The following LUZP2 variants were observed in gnomAD, a reference collection of about 807,000 sequenced individuals.
The protein encoded by LUZP2 is leucine zipper protein 2.
Under a neutral mutation model 51.6 loss-of-function variants are expected in LUZP2, and 52 were observed. The observed-to-expected ratio is 1.01, with a 90% confidence interval of 0.81 to 1.27. The LOEUF is 1.27. Ranked by LOEUF, LUZP2 falls within the 50% of genes most tolerant of loss-of-function variation. LUZP2 has a pLI of 0.00. For synonymous variants in LUZP2, 154 were observed against 137.3 expected, an observed-to-expected ratio of 1.12 and a Z score of -0.85; for missense variants, 436 against 395.4, an observed-to-expected ratio of 1.10 and a Z score of -0.87.
intron 7 of LUZP2, among the ~76,000 whole-genome samples, chr11:24,936,421 A>G (rs779520372): frequency 1.3e-5 from 2 of 152,212 alleles, no homozygotes; most frequent in Admixed American, 6.5e-5. Flanking sequence ...AACCTTCACA[A>G]TGGAAGGCCG....
intron 9 of LUZP2, among the ~76,000 whole-genome samples, chr11:25,026,849 A>AT (rs1213039939): frequency 6.8e-5 from 10 of 148,064 alleles, no homozygotes; most frequent in East Asian, 2.0e-4. Flanking sequence ...TCACCTTTTT[A>AT]TTTTTTTTAT....
rs930652328 is a variant in LUZP2, at chr11:25,082,455, C to T, written c.*3797C>T. On this transcript the variant is annotated 3_prime_UTR_variant, in exon 12 of 12. Coordinates refer to ENST00000336930, the MANE Select transcript of LUZP2 (RefSeq NM_001009909.4). ...CATAGAGTAGGTTGAACTGGCCAGACCTAGACAATGAAGAAAACACATACT... is the reference window on the plus strand; with the variant it reads ...CATAGAGTAGGTTGAACTGGCCAGATCTAGACAATGAAGAAAACACATACT... 1.3e-5 allele frequency: 2 copies of T among 152,452 alleles called. No homozygotes were observed. Among genetic ancestry groups the T allele is most frequent in the African/African-American group, 4.8e-5 (2 of 41,420 alleles). 9.4% of individuals were successfully genotyped at this position (152,452 alleles called of 1,614,324 possible). A position where few individuals can be genotyped will look rare whatever the true frequency, so the allele number is the denominator to read the frequency against.
intron 5 of LUZP2, among the ~76,000 whole-genome samples, chr11:24,796,491 C>CTG (rs57329413): frequency 0.14 from 17,365 of 124,394 alleles, 1,298 homozygotes; most frequent in Middle Eastern, 0.15. Context: ...TAATAATAAT[C>CTG]TGTGTGTGTG....
At chr11:24,671,094 C>G (rs760268847) in intron 1 of LUZP2, among the ~76,000 whole-genome samples, 11 of 151,560 alleles carry the variant, frequency 7.3e-5, no homozygotes, top group Non-Finnish European at 1.6e-4. Flanking sequence ...TTTAAATTAT[C>G]AAATGGTAAT....
At chr11:24,808,970 T>C (rs1428566067) in intron 5 of LUZP2, among the ~76,000 whole-genome samples, 5 of 152,174 alleles carry the variant, frequency 3.3e-5, no homozygotes, top group Admixed American at 2.6e-4. Context: ...AAATAACTTA[T>C]AGTTATTTAA....
Position 24,649,372 on chromosome 11 carries a change from A to C in LUZP2, c.63-79797A>C, listed in dbSNP as rs112974955. Reference sequence around the variant, plus strand: ...TATGCTGCTCCTTCAAACTTGGAACATATTTTCAATCTGTACAAGCCTCCT... The same window carrying C: ...TATGCTGCTCCTTCAAACTTGGAACCTATTTTCAATCTGTACAAGCCTCCT... On this transcript the variant is annotated intron_variant, in intron 1 of 11. Transcript: ENST00000336930. Among the ~76,000 whole-genome samples, 44 of 152,100 alleles carry C rather than the reference A, an allele frequency of 2.9e-4. No individual in the cohort carries two copies. In the East Asian group the frequency reaches 6.6e-3, roughly 23 times the overall value.
intron 9 of LUZP2, among the ~76,000 whole-genome samples, chr11:25,015,265 C>G (rs906124898): frequency 6.6e-6 from 1 of 152,110 alleles, no homozygotes; most frequent in African/African-American, 2.4e-5. Context: ...CAAAATGTTA[C>G]GATAGTACAG....
At chr11:24,519,525 T>G (rs1850577696) in intron 1 of LUZP2, among the ~76,000 whole-genome samples, 1 of 152,194 alleles carries the variant, frequency 6.6e-6, no homozygotes. Context: ...AATTGTGTGG[T>G]GAACACATTA....
chr11:24,724,902 C>A (rs1858414469), intron 1 of LUZP2, among the ~76,000 whole-genome samples: 1 of 152,068 alleles, frequency 6.6e-6, no homozygotes, highest in South Asian at 2.1e-4. Flanking sequence ...TGGAGAAACC[C>A]ATCCACAATA....
At chr11:24,593,923 C>T (rs1438432275) in intron 1 of LUZP2, among the ~76,000 whole-genome samples, 2 of 152,148 alleles carry the variant, frequency 1.3e-5, no homozygotes, top group African/African-American at 4.8e-5. Flanking sequence ...TTGGAAGACA[C>T]AGCCTGCCAA....
intron 5 of LUZP2, among the ~76,000 whole-genome samples, chr11:24,851,727 G>C (rs560789127): frequency 6.6e-6 from 1 of 152,082 alleles, no homozygotes; most frequent in Admixed American, 6.6e-5. Context: ...ATAGAATTTG[G>C]CTGTGAATCC....
intron 5 of LUZP2, among the ~76,000 whole-genome samples, chr11:24,777,491 A>G (rs549987773): frequency 6.6e-6 from 1 of 152,334 alleles, no homozygotes; most frequent in South Asian, 2.1e-4. Context: ...TATAAACACT[A>G]TAAAAATCAG....
At chr11:24,826,184 A>ATATAT (rs1245349247) in intron 5 of LUZP2, among the ~76,000 whole-genome samples, 135 of 26,114 alleles carry the variant, frequency 5.2e-3, no homozygotes, top group African/African-American at 0.019. Flanking sequence ...TCAAAAAAAA[A>ATATAT]AAAAAAATAT....
intron 7 of LUZP2, among the ~76,000 whole-genome samples, chr11:24,956,010 G>A (rs375747087): frequency 6.6e-6 from 1 of 151,962 alleles, no homozygotes; most frequent in African/African-American, 2.4e-5. Flanking sequence ...TGAGATAGTT[G>A]CAGCAATCTA....
rs1351599687 is a variant in LUZP2 at position 24,718,849 on chromosome 11, G to A, written c.63-10320G>A. 5.9e-5 allele frequency among the ~76,000 whole-genome samples: 9 copies of A among 152,196 alleles called. No homozygotes were observed. In the East Asian group the frequency reaches 1.7e-3, roughly 29 times the overall value. On this transcript the variant is annotated intron_variant, in intron 1 of 11. Coordinates refer to ENST00000336930, the MANE Select transcript of LUZP2 (RefSeq NM_001009909.4). Reference sequence around the variant, plus strand: ...CTATACAGTGTACAACGGTGTGTGGGAAGTTCTTAAATACTAGGAAGAATT... The same window carrying A: ...CTATACAGTGTACAACGGTGTGTGGAAAGTTCTTAAATACTAGGAAGAATT...
chr11:24,806,140 TA>T (rs1319382187), intron 5 of LUZP2, among the ~76,000 whole-genome samples: 2 of 152,226 alleles, frequency 1.3e-5, no homozygotes, highest in Non-Finnish European at 2.9e-5. Flanking sequence ...ATCTTGGGGA[TA>T]AAAAGCCAGG....
chr11:25,042,409 G>A (rs1157276709), intron 9 of LUZP2, among the ~76,000 whole-genome samples: 1 of 152,010 alleles, frequency 6.6e-6, no homozygotes, highest in African/African-American at 2.4e-5. Flanking sequence ...CTTTTTATCA[G>A]AAAAGCTAAG....
intron 1 of LUZP2, among the ~76,000 whole-genome samples, chr11:24,686,239 G>A (rs1554973451): frequency 7.0e-6 from 1 of 143,164 alleles, no homozygotes; most frequent in Admixed American, 7.0e-5. Flanking sequence ...AAAAAAAATT[G>A]GCTAAGTTGC....
intron 1 of LUZP2, among the ~76,000 whole-genome samples, chr11:24,536,884 G>A (rs901279380): frequency 2.6e-5 from 4 of 151,690 alleles, no homozygotes; most frequent in African/African-American, 9.7e-5. Flanking sequence ...GAGATACATG[G>A]GACAGTTCCT....
Sources: allele counts gnomAD v4.1 joint callset (sites outside exome capture counted in the v4.1 genomes callset), GRCh38; gene constraint gnomAD v4.1.1; transcripts MANE v1.5; gene names NCBI Gene and HGNC (gene_info 2026-07-23, HGNC 2026-07-21).